Variants in KCNN3 observed in about 807,000 individuals in gnomAD.
The protein encoded by KCNN3 is small conductance calcium-activated potassium channel protein 3.
KCNN3 carries 16 observed loss-of-function variants against 62.9 expected under a neutral mutation model. The observed-to-expected ratio is 0.25, with a 90% CI of 0.17 to 0.39. The LOEUF is 0.39. Ranked by LOEUF, KCNN3 falls within the 10% of genes least tolerant of loss-of-function variation. The pLI is 1.00. For missense variants in KCNN3, 599 were observed against 949.4 expected (o/e 0.63, Z 4.85); for synonymous variants, 370 against 389.2 (o/e 0.95, Z 0.58).
intron 3 of KCNN3, among the ~76,000 whole-genome samples, chr1:154,751,159 C>A (rs1008442207): frequency 6.6e-6 from 1 of 152,232 alleles, no homozygotes; most frequent in African/African-American, 2.4e-5. Flanking sequence ...GGAGCTCAGA[C>A]CCGCCCAACT....
At chr1:154,855,833 C>A (rs538402708) in intron 1 of KCNN3, among the ~76,000 whole-genome samples, 3 of 152,316 alleles carry the variant, frequency 2.0e-5, no homozygotes, top group Admixed American at 2.0e-4. Flanking sequence ...AAGTGTCTAG[C>A]ATATGGTAGG....
At chr1:154,753,529 C>A (rs1040018212) in intron 3 of KCNN3, among the ~76,000 whole-genome samples, 7 of 152,222 alleles carry the variant, frequency 4.6e-5, no homozygotes, top group African/African-American at 1.7e-4. Flanking sequence ...CACACCTCCC[C>A]AGTGGAACAC....
intron 2 of KCNN3, among the ~76,000 whole-genome samples, chr1:154,773,206 C>T (rs1039271646): frequency 5.9e-5 from 9 of 152,098 alleles, no homozygotes; most frequent in African/African-American, 2.2e-4. Flanking sequence ...CTTTGTGTTT[C>T]GATGAGCTTC....
At chr1:154,776,508 T>C (rs1648798101) in intron 2 of KCNN3, among the ~76,000 whole-genome samples, 2 of 152,178 alleles carry the variant, frequency 1.3e-5, no homozygotes, top group Admixed American at 1.3e-4. Flanking sequence ...CAAGGTTTTC[T>C]GCATCTGCAG....
At chr1:154,762,490 C>G (rs1648063081) in intron 3 of KCNN3, among the ~76,000 whole-genome samples, 1 of 152,092 alleles carries the variant, frequency 6.6e-6, no homozygotes, top group Non-Finnish European at 1.5e-5. Context: ...TATCTTCAGC[C>G]TATTTTTTTC....
At chr1:154,757,015 A>G (rs1647752551) in intron 3 of KCNN3, among the ~76,000 whole-genome samples, 1 of 152,156 alleles carries the variant, frequency 6.6e-6, no homozygotes, top group Non-Finnish European at 1.5e-5. Flanking sequence ...GGATGCATGG[A>G]TGCATTCCTG....
chr1:154,826,534 T>C (rs968699370), intron 1 of KCNN3, among the ~76,000 whole-genome samples: 11 of 118,956 alleles, frequency 9.2e-5, no homozygotes, highest in Non-Finnish European at 1.4e-4. Context: ...CAGATCTGTC[T>C]GCCTCCAGGT....
intron 4 of KCNN3, among the ~76,000 whole-genome samples, chr1:154,731,604 C>T (rs1490963780): frequency 6.6e-6 from 1 of 152,254 alleles, no homozygotes; most frequent in African/African-American, 2.4e-5. Context: ...TGCGGCCCTC[C>T]CTTTGCACTG....
At chr1:154,721,327 T>C (rs1256206963) in intron 5 of KCNN3, among the ~76,000 whole-genome samples, 6 of 139,154 alleles carry the variant, frequency 4.3e-5, no homozygotes, top group African/African-American at 1.4e-4. Context: ...TGAGATGGAG[T>C]CTCACTCTGT....
intron 4 of KCNN3, among the ~76,000 whole-genome samples, chr1:154,728,826 G>C (rs1287551282): frequency 5.9e-5 from 9 of 152,170 alleles, no homozygotes; most frequent in Non-Finnish European, 1.5e-5. Flanking sequence ...TGATGGGATT[G>C]AGAGAGGAAG....
chr1:154,713,758 C>T (rs577355994), intron 6 of KCNN3, among the ~76,000 whole-genome samples: 1 of 152,146 alleles, frequency 6.6e-6, no homozygotes, highest in African/African-American at 2.4e-5. Flanking sequence ...TGGTTTCTTG[C>T]TATTCCCAGA....
At position 154,772,456 on chromosome 1, in the gene KCNN3, C is replaced by G; in HGVS notation, c.1030-63G>C. Reference sequence around the variant, plus strand: ...CAGGAAGCCCACAGCAGGGTCCAGGCAGGACAGGTGGGGCAGGCTGGGGCA... The same window carrying G: ...CAGGAAGCCCACAGCAGGGTCCAGGGAGGACAGGTGGGGCAGGCTGGGGCA... On this transcript the variant is annotated intron_variant, in intron 2 of 7. Transcript: ENST00000271915. This position sits in a 1 kb window ranked among gnomAD's most constrained non-coding sequence, Gnocchi z 5.6. 1 of 1,567,526 alleles carries G rather than the reference C, an allele frequency of 6.4e-7. No individual in the cohort carries two copies. The highest frequency in any genetic ancestry group is 1.3e-5 in the African/African-American group (1 of 74,202).
At chr1:154,836,704 C>T (rs544930133) in intron 1 of KCNN3, among the ~76,000 whole-genome samples, 5 of 152,294 alleles carry the variant, frequency 3.3e-5, no homozygotes, top group East Asian at 1.9e-4. Flanking sequence ...TCCTGTTTTC[C>T]GGGACCAGGC....
chr1:154,736,392 A>G (rs1412938132), intron 3 of KCNN3, among the ~76,000 whole-genome samples: 1 of 152,244 alleles, frequency 6.6e-6, no homozygotes, highest in Non-Finnish European at 1.5e-5. Flanking sequence ...CTTGAAGTTT[A>G]GGCTGGAGAA....
intron 5 of KCNN3, among the ~76,000 whole-genome samples, chr1:154,724,300 C>T (rs1188067705): frequency 2.0e-5 from 3 of 152,148 alleles, no homozygotes; most frequent in South Asian, 2.1e-4. Flanking sequence ...TCCTTCCTGC[C>T]GTTGTCTCTA....
intron 5 of KCNN3, among the ~76,000 whole-genome samples, chr1:154,723,989 C>A (rs915244902): frequency 1.3e-5 from 2 of 152,192 alleles, no homozygotes; most frequent in Admixed American, 6.5e-5. Context: ...TCACTGCCAT[C>A]GTGATGTGAC....
At chr1:154,850,413 C>T (rs901272146) in intron 1 of KCNN3, among the ~76,000 whole-genome samples, 1 of 152,226 alleles carries the variant, frequency 6.6e-6, no homozygotes, top group African/African-American at 2.4e-5. Flanking sequence ...AAGACTCTCA[C>T]CCTCCAAGCC....
chr1:154,763,096 CTCT>C (rs1018777101), intron 3 of KCNN3, among the ~76,000 whole-genome samples: 2 of 152,014 alleles, frequency 1.3e-5, no homozygotes, highest in African/African-American at 2.4e-5. Context: ...CAATGGTCTT[CTCT>C]TTCAAAAAAA....
chr1:154,708,528 T>A (rs766374386), intron 7 of KCNN3, among the ~76,000 whole-genome samples: 4 of 151,758 alleles, frequency 2.6e-5, no homozygotes, highest in Non-Finnish European at 5.9e-5. Context: ...GGGAAAAAAA[T>A]GGCCCTTTTT....
Sources: allele counts gnomAD v4.1 joint callset (sites outside exome capture counted in the v4.1 genomes callset), GRCh38; gene constraint gnomAD v4.1.1; non-coding constraint Gnocchi (gnomAD v3.1); transcripts MANE v1.5; gene names NCBI Gene and HGNC (gene_info 2026-07-23, HGNC 2026-07-21).